KLC1: variants seen among roughly 807,000 people sequenced by gnomAD.
KLC1 encodes the protein kinesin 2 60/70kDa.
Under a neutral mutation model 84.2 loss-of-function variants are expected in KLC1, and 30 were observed. That is an observed-to-expected ratio of 0.36 (90% CI 0.27 to 0.48). KLC1 has a LOEUF of 0.48. Ranked by LOEUF, KLC1 falls within the 20% of genes least tolerant of loss-of-function variation. The pLI is 0.99. For synonymous variants in KLC1, 289 were observed against 293.3 expected (o/e 0.99, Z 0.15); for missense variants, 499 against 805.4 (o/e 0.62, Z 4.60).
At chr14:103,666,355 G>GCA (rs2079824425) in intron 5 of KLC1, among the ~76,000 whole-genome samples, 1 of 151,622 alleles carries the variant, frequency 6.6e-6, no homozygotes, top group Non-Finnish European at 1.5e-5. Flanking sequence ...GAGCCACCGT[G>GCA]CCCGGCCCTT....
chr14:103,675,809 A>G lies in KLC1; in HGVS notation c.1379+53A>G. The stretch of plus-strand genomic sequence containing the variant: ...AAAACCAAAAAGCAGGGGGAAGGTA[A>G]TTGTGTTCTACAGGGCAGCTTATAA... On this transcript the variant is annotated intron_variant, in intron 11 of 16. Transcript: ENST00000334553. 3.4e-6 allele frequency: 5 copies of G among 1,453,450 alleles called. No individual in the cohort carries two copies. The South Asian group carries it at 5.7e-5, about 17-fold the overall frequency. 90.0% of individuals were successfully genotyped at this position (1,453,450 alleles called of 1,614,324 possible). A position where few individuals can be genotyped will look rare whatever the true frequency, so the allele number is the denominator to read the frequency against.
intron 13 of KLC1, chr14:103,686,786 CA>C: frequency 5.8e-6 from 1 of 172,002 alleles, no homozygotes; most frequent in South Asian, 1.4e-4. Flanking sequence ...GCTTTTGTCT[CA>C]AAATAGCAGG....
intron 12 of KLC1, among the ~76,000 whole-genome samples, chr14:103,678,926 GA>G (rs2081143412): frequency 6.6e-6 from 1 of 152,150 alleles, no homozygotes; most frequent in Non-Finnish European, 1.5e-5. Flanking sequence ...AAATCACAGT[GA>G]GATACTACCT....
chr14:103,660,879 G>A (rs1171549311), intron 3 of KLC1, among the ~76,000 whole-genome samples: 1 of 152,188 alleles, frequency 6.6e-6, no homozygotes, highest in African/African-American at 2.4e-5. Context: ...CTTTGCAGAT[G>A]TCGATGCCAG....
Position 103,673,004 on chromosome 14 carries a change from T to G in KLC1, c.988-10T>G. 6.2e-7 allele frequency: 1 copy of G among 1,613,796 alleles called. No individual in the cohort carries two copies. Among genetic ancestry groups the G allele is most frequent in the South Asian group, 1.1e-5 (1 of 91,026 alleles). On this transcript the variant is annotated splice_polypyrimidine_tract_variant and intron_variant, in intron 7 of 16. Transcript: ENST00000334553. Reference sequence around the variant, plus strand: ...ACAAGTGTCTCTAATATGCTGTTTTTTATTTTCAGGTTTTGGGGAAGGATC... The same window carrying G: ...ACAAGTGTCTCTAATATGCTGTTTTGTATTTTCAGGTTTTGGGGAAGGATC...
chr14:103,630,306 T>TA (rs1310706833), intron 1 of KLC1, among the ~76,000 whole-genome samples: 5 of 152,252 alleles, frequency 3.3e-5, no homozygotes, highest in African/African-American at 1.2e-4. Context: ...TAACTTAACA[T>TA]TTGTAGGTCA....
At position 103,662,771 on chromosome 14, in the gene KLC1, G is replaced by A. The variant is rs2079402501; in HGVS notation, c.641G>A (p.Arg214Gln). 4.3e-6 allele frequency: 7 copies of A among 1,611,702 alleles called. No individual in the cohort carries two copies. The highest frequency in any genetic ancestry group is 5.9e-6 in the Non-Finnish European group (7 of 1,179,430). Residue 214 changes from arginine to glutamine, a missense_variant, in exon 5 of 17, where the codon CGG (arginine) becomes CAG (glutamine). By Grantham distance (43) the Arg-to-Gln change is conservative (BLOSUM62 1). This residue lies in a region of KLC1 where 179 missense variants were observed against 264.2 expected (regional missense o/e 0.68). Transcript: ENST00000334553. ...QGGYEIPARL[R>Q]TLHNLVIQYA... ...GGCTACGAGATCCCCGCGCGGCTGC[G>A]GACGCTCCACAACCTGGTGATCCAG...
intron 2 of KLC1, among the ~76,000 whole-genome samples, chr14:103,656,799 C>T (rs537648465): frequency 6.6e-6 from 1 of 152,184 alleles, no homozygotes; most frequent in East Asian, 1.9e-4. Flanking sequence ...GGTTTTAAAC[C>T]TAGGAGGATA....
At chr14:103,671,893 A>G (rs555423139) in intron 7 of KLC1, among the ~76,000 whole-genome samples, 5 of 152,336 alleles carry the variant, frequency 3.3e-5, no homozygotes, top group African/African-American at 9.6e-5. Flanking sequence ...GGGAGAGCAC[A>G]AAAGTATCAA....
intron 13 of KLC1, chr14:103,684,881 A>C (rs749918674): frequency 1.9e-4 from 136 of 709,774 alleles, no homozygotes; most frequent in Non-Finnish European, 4.7e-5. Context: ...ACGATACGTT[A>C]GCATTTTAGC....
chr14:103,671,204 T>C (rs936831296), intron 7 of KLC1, among the ~76,000 whole-genome samples: 1 of 152,192 alleles, frequency 6.6e-6, no homozygotes, highest in Non-Finnish European at 1.5e-5. Flanking sequence ...CTCAGAGCTA[T>C]AGATTAAGTC....
At position 103,657,470 on chromosome 14, in the gene KLC1, C is replaced by G. The variant is rs150002935; in HGVS notation, c.262-76C>G. 208 of 1,152,478 alleles carry G rather than the reference C, an allele frequency of 1.8e-4. No homozygotes were observed. In the African/African-American group the frequency reaches 2.9e-3, roughly 16 times the overall value. 71.4% of individuals were successfully genotyped at this position (1,152,478 alleles called of 1,614,324 possible). On this transcript the variant is annotated intron_variant, in intron 2 of 16. Transcript: ENST00000334553. ...CGAGTGTAAGCTACAGCCCCAGCCA[C>G]AGAATGTTCGCACGGGTGGGAGGGA...
rs145644634 is a variant in KLC1 at position 103,695,158 on chromosome 14, T to TTATA, written c.1848+2745_1848+2748dup. 9.8e-4 allele frequency: 845 copies of TTATA among 866,350 alleles called. 1 individual carries two copies. Among genetic ancestry groups the TTATA allele is most frequent in the African/African-American group, 3.8e-3 (200 of 52,862 alleles). 53.7% of individuals were successfully genotyped at this position (866,350 alleles called of 1,614,324 possible). ...TGGGATTAAAAGAAAAAATGTTAAA[T>TTATA]TATATATATATATATGGCTGGGTGC... On this transcript the variant is annotated intron_variant, in intron 15 of 16. Transcript: ENST00000334553.
At chr14:103,632,578 G>A (rs1167741578) in intron 1 of KLC1, among the ~76,000 whole-genome samples, 2 of 151,830 alleles carry the variant, frequency 1.3e-5, no homozygotes, top group African/African-American at 4.8e-5. Flanking sequence ...AACCAAAACC[G>A]GGTGTGGTGG....
At chr14:103,700,799 T>TG (rs1337500784) in intron 16 of KLC1, 72 bp downstream of exon 16, 48 of 1,215,906 alleles carry the variant, frequency 3.9e-5, no homozygotes, top group Non-Finnish European at 5.1e-5. Context: ...ATGCAGGGAC[T>TG]GGGGGGAGCT....
chr14:103,659,234 G>A (rs2079091384), intron 3 of KLC1, among the ~76,000 whole-genome samples: 1 of 152,124 alleles, frequency 6.6e-6, no homozygotes, highest in African/African-American at 2.4e-5. Flanking sequence ...CAAAGTGCTG[G>A]GATTACAGGC....
intron 12 of KLC1, among the ~76,000 whole-genome samples, chr14:103,678,465 C>T (rs145099215): frequency 2.6e-5 from 4 of 151,342 alleles, no homozygotes; most frequent in African/African-American, 9.7e-5. Context: ...TGGGAGGATC[C>T]CTTGAGCTCA....
At chr14:103,696,114 C>CA (rs1165487492) in intron 15 of KLC1, 5 of 957,532 alleles carry the variant, frequency 5.2e-6, no homozygotes, top group Non-Finnish European at 6.2e-6. Context: ...CGCCCCCCCC[C>CA]ACAGCAGCCG....
In KLC1 at chr14:103,673,434, A is replaced by G. The variant is rs1468160581; in HGVS notation, c.1261+3A>G. ...AAGGGAGTTTGGTTCTGTAGATGGT[A>G]AGAAATATACTCCCGTTTCAAGTGA... On this transcript the variant is annotated splice_donor_region_variant and intron_variant, in intron 9 of 16. Transcript: ENST00000334553. 6.4e-7 allele frequency: 1 copy of G among 1,552,604 alleles called. No homozygotes were observed. The highest frequency in any genetic ancestry group is 8.8e-7 in the Non-Finnish European group (1 of 1,134,972).
Sources: allele counts gnomAD v4.1 joint callset (sites outside exome capture counted in the v4.1 genomes callset), GRCh38; gene constraint gnomAD v4.1.1; regional missense constraint gnomAD v4.1.1; transcripts MANE v1.5; gene names NCBI Gene and HGNC (gene_info 2026-07-23, HGNC 2026-07-21).